The following KSR2 variants were observed in gnomAD, a reference collection of about 807,000 sequenced individuals.
The protein encoded by KSR2 is kinase suppressor of ras 2.
A neutral mutation model predicts 107.8 loss-of-function variants in KSR2; 25 were observed. That is an observed-to-expected ratio of 0.23 (90% confidence interval 0.17 to 0.32). The LOEUF is 0.32. KSR2 is among the 10% of genes least tolerant of loss of function. The probability of loss-of-function intolerance (pLI) is 1.00; values close to 1 mark genes in which losing one functional copy is unlikely to be tolerated. For missense variants in KSR2, 887 were observed against 1,268.9 expected (o/e 0.70, Z 4.57); for synonymous variants, 480 against 507.0 (o/e 0.95, Z 0.71).
intron 1 of KSR2, among the ~76,000 whole-genome samples, chr12:117,917,706 C>T (rs375142560): frequency 8.6e-5 from 13 of 152,034 alleles, no homozygotes; most frequent in Non-Finnish European, 1.5e-4. Context: ...CACGCACCCA[C>T]GGATGAATAT....
intron 4 of KSR2, among the ~76,000 whole-genome samples, chr12:117,718,407 C>T (rs995912905): frequency 6.6e-6 from 1 of 152,168 alleles, no homozygotes; most frequent in African/African-American, 2.4e-5. Context: ...TTGGAATGAT[C>T]CAGAACTGGA....
chr12:117,848,559 A>T (rs903128296), intron 3 of KSR2, among the ~76,000 whole-genome samples: 5 of 152,236 alleles, frequency 3.3e-5, no homozygotes, highest in Admixed American at 2.6e-4. Flanking sequence ...ACAGAAGGGG[A>T]GTAGTCTCAA....
intron 3 of KSR2, among the ~76,000 whole-genome samples, chr12:117,832,459 A>G (rs75569317): frequency 0.06 from 9,113 of 152,296 alleles, 311 homozygotes; most frequent in East Asian, 0.1. Flanking sequence ...AGCAATTGAC[A>G]TTTGTTGAGC....
intron 9 of KSR2, among the ~76,000 whole-genome samples, chr12:117,550,254 A>G (rs1250244901): frequency 6.6e-6 from 1 of 152,324 alleles, no homozygotes; most frequent in East Asian, 1.9e-4. Flanking sequence ...AAGCAGAAGC[A>G]CGAGGTTGTG....
At chr12:117,680,686 T>C (rs149283768) in intron 4 of KSR2, among the ~76,000 whole-genome samples, 1 of 152,258 alleles carries the variant, frequency 6.6e-6, no homozygotes, top group East Asian at 1.9e-4. Context: ...GGTAATTCCA[T>C]TTGATGGAAA....
chr12:117,546,850 G>C (rs1876905870), intron 9 of KSR2, among the ~76,000 whole-genome samples: 1 of 152,092 alleles, frequency 6.6e-6, no homozygotes, highest in Non-Finnish European at 1.5e-5. Context: ...ATTCTTTGCT[G>C]ACACTTTCTG....
At chr12:117,569,775 A>G (rs1878758122) in intron 7 of KSR2, among the ~76,000 whole-genome samples, 1 of 152,142 alleles carries the variant, frequency 6.6e-6, no homozygotes, top group Admixed American at 6.5e-5. Context: ...ATATCACCCT[A>G]TAACTATAGA....
intron 14 of KSR2, among the ~76,000 whole-genome samples, chr12:117,514,602 T>C (rs1874247215): frequency 1.3e-5 from 2 of 149,422 alleles, no homozygotes; most frequent in Non-Finnish European, 3.0e-5. Context: ...TGGAGTGCAG[T>C]GGTATGATCA....
intron 7 of KSR2, among the ~76,000 whole-genome samples, chr12:117,578,295 G>T (rs527647249): frequency 6.6e-6 from 1 of 152,190 alleles, no homozygotes; most frequent in South Asian, 2.1e-4. Context: ...GAAAGAAAAA[G>T]GAGAGAAAGG....
intron 1 of KSR2, among the ~76,000 whole-genome samples, chr12:117,896,363 G>C (rs1894508559): frequency 6.6e-6 from 1 of 152,148 alleles, no homozygotes; most frequent in African/African-American, 2.4e-5. Context: ...TGGTTGCCAG[G>C]GGCTGGTGGG....
At chr12:117,687,134 A>C (rs1885606988) in intron 4 of KSR2, among the ~76,000 whole-genome samples, 1 of 152,216 alleles carries the variant, frequency 6.6e-6, no homozygotes, top group Non-Finnish European at 1.5e-5. Context: ...AGCTTCCAGC[A>C]CGACCTTGGG....
At chr12:117,567,028 A>G (rs1878539474) in intron 7 of KSR2, among the ~76,000 whole-genome samples, 1 of 152,212 alleles carries the variant, frequency 6.6e-6, no homozygotes, top group African/African-American at 2.4e-5. Context: ...CATGTGTGCC[A>G]AGCACTGTGC....
At chr12:117,509,817 C>T (rs1177163240) in intron 14 of KSR2, among the ~76,000 whole-genome samples, 1 of 152,168 alleles carries the variant, frequency 6.6e-6, no homozygotes, top group Non-Finnish European at 1.5e-5. Context: ...CGAGGTTCCT[C>T]TCAGTCTTTT....
intron 5 of KSR2, among the ~76,000 whole-genome samples, chr12:117,614,181 T>G (rs1173276566): frequency 6.6e-6 from 1 of 152,214 alleles, no homozygotes; most frequent in Admixed American, 6.5e-5. Flanking sequence ...CATATTTTCA[T>G]ATTATTTAAA....
At chr12:117,899,974 A>G (rs534513583) in intron 1 of KSR2, among the ~76,000 whole-genome samples, 2 of 152,232 alleles carry the variant, frequency 1.3e-5, no homozygotes, top group Non-Finnish European at 2.9e-5. Context: ...AAATCTGCCA[A>G]CAACTCGAAT....
At chr12:117,835,512 C>G (rs1411017617) in intron 3 of KSR2, among the ~76,000 whole-genome samples, 1 of 152,128 alleles carries the variant, frequency 6.6e-6, no homozygotes, top group African/African-American at 2.4e-5. Flanking sequence ...CCTCAGAATA[C>G]AGAAGTTGTC....
intron 5 of KSR2, among the ~76,000 whole-genome samples, chr12:117,640,579 T>C (rs1883310122): frequency 6.6e-6 from 1 of 151,934 alleles, no homozygotes; most frequent in South Asian, 2.1e-4. Flanking sequence ...ACTGGGAAAA[T>C]AGTTTCATCC....
intron 3 of KSR2, among the ~76,000 whole-genome samples, chr12:117,829,503 T>G (rs533201249): frequency 6.6e-6 from 1 of 152,210 alleles, no homozygotes; most frequent in Non-Finnish European, 1.5e-5. Flanking sequence ...GTACCTAACA[T>G]GGGGCTTGGC....
intron 5 of KSR2, among the ~76,000 whole-genome samples, chr12:117,662,616 A>G (rs985600532): frequency 4.6e-5 from 7 of 152,208 alleles, no homozygotes; most frequent in Non-Finnish European, 8.8e-5. Flanking sequence ...CATGAAGGAC[A>G]ATATTCCATA....
Sources: gnomAD v4.1 joint callset for allele counts (sites outside exome capture counted in the v4.1 genomes callset) on GRCh38, gnomAD v4.1.1 for gene constraint, MANE v1.5 for transcripts, NCBI Gene and HGNC (gene_info 2026-07-23, HGNC 2026-07-21) for gene names.